Variants in B3GNT2 observed in about 807,000 individuals in gnomAD.
B3GNT2 encodes the protein N-acetyllactosaminide beta-1,3-N-acetylglucosaminyltransferase 2.
A neutral mutation model predicts 27.6 loss-of-function variants in B3GNT2; 12 were observed. The ratio of observed to expected loss-of-function variants is 0.44; its 90% CI spans 0.28 to 0.71. B3GNT2 has a LOEUF of 0.71. Ranked by LOEUF, B3GNT2 falls within the 30% of genes least tolerant of loss-of-function variation. The pLI is 0.17. For missense variants in B3GNT2, 413 were observed against 488.5 expected (o/e 0.85, Z 1.46); for synonymous variants, 192 against 189.7 (o/e 1.01, Z -0.10).
chr2:62,208,640 AG>A (rs1218738538), intron 1 of B3GNT2, among the ~76,000 whole-genome samples: 1 of 152,040 alleles, frequency 6.6e-6, no homozygotes, highest in African/African-American at 2.4e-5. Flanking sequence ...GATGCTGGGG[AG>A]GGGGGTGTGT....
In B3GNT2 at chr2:62,197,186, T is replaced by TG. The variant is rs1288965878; in HGVS notation, c.-10+837dup. On this transcript the variant is annotated intron_variant, in intron 1 of 1. Transcript: ENST00000301998. Reference sequence around the variant, plus strand: ...GACACCCCTCGTGGGAAGGTGGGCGTGGGGGGCCCTGCCGGGGCTGCGGGC... The same window carrying TG: ...GACACCCCTCGTGGGAAGGTGGGCGTGGGGGGGCCCTGCCGGGGCTGCGGGC... Among the ~76,000 whole-genome samples the TG allele has an allele frequency of 2.0e-5, 3 of 150,134 alleles. No individual in the cohort carries two copies. The East Asian group carries it at 5.9e-4, about 30-fold the overall frequency.
Sources: gnomAD v4.1 joint callset for allele counts (sites outside exome capture counted in the v4.1 genomes callset) on GRCh38, gnomAD v4.1.1 for gene constraint, MANE v1.5 for transcripts, NCBI Gene and HGNC (gene_info 2026-07-23, HGNC 2026-07-21) for gene names.